Variants in CAMTA1 observed in about 807,000 individuals in gnomAD.
CAMTA1 encodes the protein calmodulin-binding transcription activator 1.
A neutral mutation model predicts 170.9 loss-of-function variants in CAMTA1; 27 were observed. The observed-to-expected ratio is 0.16, with a 90% CI of 0.12 to 0.22. The LOEUF is 0.22. CAMTA1 is among the 10% of genes least tolerant of loss of function. The probability of loss-of-function intolerance (pLI) is 1.00; values close to 1 mark genes in which losing one functional copy is unlikely to be tolerated. For missense variants in CAMTA1, 1,619 were observed against 2,217.2 expected, an observed-to-expected ratio of 0.73 and a Z score of 5.42; for synonymous variants, 833 against 891.5, an observed-to-expected ratio of 0.93 and a Z score of 1.17.
intron 5 of CAMTA1, among the ~76,000 whole-genome samples, chr1:7,292,022 G>T (rs901866121): frequency 6.6e-6 from 1 of 152,172 alleles, no homozygotes; most frequent in African/African-American, 2.4e-5. Context: ...ATACTCTGAC[G>T]TTTATATTGA....
At chr1:7,191,050 G>T (rs1366090556) in intron 4 of CAMTA1, among the ~76,000 whole-genome samples, 1 of 152,168 alleles carries the variant, frequency 6.6e-6, no homozygotes, top group Non-Finnish European at 1.5e-5. Context: ...GATAGTGCAG[G>T]TTGTGTTTGT....
At chr1:6,983,249 A>G (rs1694738403) in intron 3 of CAMTA1, among the ~76,000 whole-genome samples, 1 of 152,156 alleles carries the variant, frequency 6.6e-6, no homozygotes, top group Non-Finnish European at 1.5e-5. Flanking sequence ...ATGGTCTTAG[A>G]AAATATATTC....
At chr1:7,413,967 G>C (rs1336813262) in intron 5 of CAMTA1, among the ~76,000 whole-genome samples, 1 of 152,092 alleles carries the variant, frequency 6.6e-6, no homozygotes, top group Admixed American at 6.5e-5. Flanking sequence ...TTAGCATGAA[G>C]GGTTGTTGAA....
intron 3 of CAMTA1, among the ~76,000 whole-genome samples, chr1:6,844,690 C>CA (rs1180942073): frequency 0.21 from 9,905 of 47,208 alleles, 400 homozygotes; most frequent in Non-Finnish European, 0.25. Context: ...ACCCTGTGTC[C>CA]AAAAAAAAAA....
chr1:7,342,556 G>A (rs990076566), intron 5 of CAMTA1, among the ~76,000 whole-genome samples: 5 of 152,176 alleles, frequency 3.3e-5, no homozygotes, highest in Non-Finnish European at 7.3e-5. Context: ...ATGGCAGGGT[G>A]CCCATGGTGG....
chr1:7,462,461 C>T (rs761896799), intron 5 of CAMTA1, among the ~76,000 whole-genome samples: 18 of 152,252 alleles, frequency 1.2e-4, no homozygotes, highest in African/African-American at 3.9e-4. Context: ...GATGGGGTTT[C>T]GCCATGTTGG....
intron 6 of CAMTA1, among the ~76,000 whole-genome samples, chr1:7,597,387 T>A (rs999535628): frequency 6.6e-6 from 1 of 152,156 alleles, no homozygotes; most frequent in Non-Finnish European, 1.5e-5. Context: ...TTTTTCTTCT[T>A]ATTGACTGGC....
chr1:6,920,328 G>T (rs1007193863), intron 3 of CAMTA1, among the ~76,000 whole-genome samples: 2 of 152,216 alleles, frequency 1.3e-5, no homozygotes, highest in African/African-American at 4.8e-5. Flanking sequence ...TTGTGTCTGG[G>T]TCACGATGGT....
intron 4 of CAMTA1, among the ~76,000 whole-genome samples, chr1:7,198,364 A>C (rs1223667292): frequency 6.6e-6 from 1 of 151,052 alleles, no homozygotes; most frequent in Non-Finnish European, 1.5e-5. Context: ...CCTGACCCCA[A>C]CTCTTCTGGA....
rs1226999652 is a variant in CAMTA1 at position 7,642,682 on chromosome 1, G to A, written c.664+2129G>A. On this transcript the variant is annotated intron_variant, in intron 7 of 22. Transcript: ENST00000303635. This position sits in a 1 kb window ranked among gnomAD's most constrained non-coding sequence, Gnocchi z 6.3. Reference sequence around the variant, plus strand: ...CTGGCCAGGGCGGTAGAAAGAGTCAGGGCTGGCAAGTCAGGAGGCAGGTGC... The same window carrying A: ...CTGGCCAGGGCGGTAGAAAGAGTCAAGGCTGGCAAGTCAGGAGGCAGGTGC... Among the ~76,000 whole-genome samples the A allele has an allele frequency of 6.6e-6, 1 of 152,158 alleles. No individual in the cohort carries two copies. The highest frequency in any genetic ancestry group is 2.4e-5 in the African/African-American group (1 of 41,430).
rs149957685 is a variant in CAMTA1 at position 7,614,423 on chromosome 1, T to C, written c.511-25977T>C. ...AAAAAGGAGAAGAGATGAAGATTCA[T>C]TGATGCCAGAACTGACTCTCTTCTG... On this transcript the variant is annotated intron_variant, in intron 6 of 22. Transcript: ENST00000303635. 1.1e-3 allele frequency among the ~76,000 whole-genome samples: 160 copies of C among 151,408 alleles called. 1 individual carries two copies. Among genetic ancestry groups the C allele is most frequent in the African/African-American group, 3.8e-3 (156 of 40,704 alleles).
At chr1:7,336,502 G>C (rs1386206153) in intron 5 of CAMTA1, among the ~76,000 whole-genome samples, 5 of 152,212 alleles carry the variant, frequency 3.3e-5, no homozygotes, top group African/African-American at 1.2e-4. Flanking sequence ...CTGGCCCATA[G>C]TCCCTGCTTC....
At chr1:7,284,155 TC>T in intron 5 of CAMTA1, among the ~76,000 whole-genome samples, 1 of 114,202 alleles carries the variant, frequency 8.8e-6, no homozygotes, top group African/African-American at 3.6e-5. Flanking sequence ...TTCTTCTTCT[TC>T]TTCTTCTTCT....
intron 4 of CAMTA1, among the ~76,000 whole-genome samples, chr1:7,198,916 C>A (rs1359835940): frequency 6.6e-6 from 1 of 152,162 alleles, no homozygotes; most frequent in African/African-American, 2.4e-5. Flanking sequence ...GGCCCCCAGG[C>A]TCCAGTTCTT....
At chr1:7,043,921 G>A (rs913187937) in intron 3 of CAMTA1, among the ~76,000 whole-genome samples, 2 of 152,184 alleles carry the variant, frequency 1.3e-5, no homozygotes, top group Non-Finnish European at 2.9e-5. Flanking sequence ...CTCCGCAGGG[G>A]GCCAGGCAGC....
intron 6 of CAMTA1, among the ~76,000 whole-genome samples, chr1:7,478,722 C>G (rs2093464985): frequency 6.6e-6 from 1 of 152,148 alleles, no homozygotes; most frequent in Non-Finnish European, 1.5e-5. Context: ...CTTTATCAAG[C>G]CAAACAATTC....
rs1436592717 is a variant in CAMTA1, at chr1:7,604,112, A to G, written c.511-36288A>G. Among the ~76,000 whole-genome samples the G allele has an allele frequency of 3.3e-5, 5 of 152,286 alleles. No individual in the cohort carries two copies. In the East Asian group the frequency reaches 9.6e-4, roughly 29 times the overall value. The stretch of plus-strand genomic sequence containing the variant: ...CCGACCTTTCTCTCTGGCTGCCCTT[A>G]ACATTTTTTCCTTCATTTCAAGTTT... On this transcript the variant is annotated intron_variant, in intron 6 of 22. Transcript: ENST00000303635.
intron 3 of CAMTA1, among the ~76,000 whole-genome samples, chr1:6,992,060 A>G (rs956495528): frequency 3.3e-5 from 5 of 150,698 alleles, no homozygotes; most frequent in African/African-American, 1.2e-4. Context: ...TTGCTGAAAT[A>G]TATTTTTTAT....
intron 6 of CAMTA1, among the ~76,000 whole-genome samples, chr1:7,470,202 G>A (rs569536305): frequency 6.6e-6 from 1 of 152,320 alleles, no homozygotes; most frequent in African/African-American, 2.4e-5. Context: ...ACAGGTGTAG[G>A]GGGTTCCTGC....
Sources: gnomAD v4.1 joint callset for allele counts (sites outside exome capture counted in the v4.1 genomes callset) on GRCh38, gnomAD v4.1.1 for gene constraint, Gnocchi (gnomAD v3.1) non-coding constraint, MANE v1.5 for transcripts, NCBI Gene and HGNC (gene_info 2026-07-23, HGNC 2026-07-21) for gene names.